Variants in CHCHD3 observed in about 807,000 individuals in gnomAD.
The protein encoded by CHCHD3 is coiled-coil-helix-coiled-coil-helix domain containing 3, also known as MICOS complex subunit MIC19.
Under a neutral mutation model 38.2 loss-of-function variants are expected in CHCHD3, and 20 were observed. The ratio of observed to expected loss-of-function variants is 0.52; its 90% confidence interval spans 0.37 to 0.76. CHCHD3 has a LOEUF of 0.76. Among genes scored for constraint, CHCHD3 ranks in the 30% least tolerant of loss-of-function variants. The pLI is 0.00. For synonymous variants in CHCHD3, 82 were observed against 100.0 expected (o/e 0.82, Z 1.07); for missense variants, 245 against 279.2 (o/e 0.88, Z 0.87).
At chr7:133,028,357 G>A (rs1309979030) in intron 2 of CHCHD3, among the ~76,000 whole-genome samples, 1 of 152,134 alleles carries the variant, frequency 6.6e-6, no homozygotes, top group Non-Finnish European at 1.5e-5. Flanking sequence ...AGTGTTCTAA[G>A]TAAACTAATA....
At chr7:132,825,732 C>T (rs146476515) in intron 6 of CHCHD3, among the ~76,000 whole-genome samples, 33 of 152,334 alleles carry the variant, frequency 2.2e-4, no homozygotes, top group African/African-American at 7.9e-4. Context: ...TGCACTACCA[C>T]CCAGCTTTGA....
intron 5 of CHCHD3, among the ~76,000 whole-genome samples, chr7:132,875,234 A>T (rs962951236): frequency 3.3e-5 from 5 of 152,198 alleles, no homozygotes; most frequent in African/African-American, 1.2e-4. Context: ...CCTGTAGAAA[A>T]GAAATCTGTT....
At chr7:132,986,854 G>A (rs1366839902) in intron 3 of CHCHD3, among the ~76,000 whole-genome samples, 1 of 152,208 alleles carries the variant, frequency 6.6e-6, no homozygotes, top group Admixed American at 6.5e-5. Flanking sequence ...TGCAAATGCA[G>A]TTGAGTTTAT....
At chr7:132,903,613 C>T (rs1809723293) in intron 4 of CHCHD3, among the ~76,000 whole-genome samples, 1 of 152,132 alleles carries the variant, frequency 6.6e-6, no homozygotes, top group African/African-American at 2.4e-5. Context: ...CAAAAACAAC[C>T]TCATAATTCT....
rs1812010003 is a variant in CHCHD3 at position 132,984,230 on chromosome 7, T to C, written c.252-8944A>G. 2.6e-5 allele frequency among the ~76,000 whole-genome samples: 4 copies of C among 151,504 alleles called. No homozygotes were observed. In the South Asian group the frequency reaches 8.4e-4, roughly 32 times the overall value. On this transcript the variant is annotated intron_variant, in intron 3 of 7. Coordinates refer to ENST00000262570, the MANE Select transcript of CHCHD3 (RefSeq NM_017812.4). ...GGCGCACGGCGCCACGCCTGACTGG[T>C]TTTCGTATTTTTTTGGTGGAGACGG...
In CHCHD3 at chr7:132,967,129, G is replaced by A. The variant is rs1244475386; in HGVS notation, c.369+8040C>T. Among the ~76,000 whole-genome samples the A allele has an allele frequency of 3.3e-5, 5 of 152,228 alleles. No individual in the cohort carries two copies. The East Asian group carries it at 9.6e-4, about 29-fold the overall frequency. ...CACAGGACACCACTCAACAAGAACT[G>A]CCCTGAACCAACTGGTTTGCAAGTA... On this transcript the variant is annotated intron_variant, in intron 4 of 7. Coordinates refer to ENST00000262570, the MANE Select transcript of CHCHD3 (RefSeq NM_017812.4).
At chr7:132,955,173 G>GGGGGGTGTGTGTGTGT (rs138213006) in intron 4 of CHCHD3, among the ~76,000 whole-genome samples, 146 of 126,284 alleles carry the variant, frequency 1.2e-3, no homozygotes, top group African/African-American at 4.1e-3. Flanking sequence ...TCCCTCAGAG[G>GGGGGGTGTGTGTGTGT]GTGTGTGTGT....
intron 4 of CHCHD3, among the ~76,000 whole-genome samples, chr7:132,910,685 C>G (rs1809923994): frequency 6.6e-6 from 1 of 152,166 alleles, no homozygotes; most frequent in Non-Finnish European, 1.5e-5. Context: ...AAACTGAACA[C>G]AGCAGCACGT....
chr7:132,984,325 G>A (rs1454212070), intron 3 of CHCHD3, among the ~76,000 whole-genome samples: 3 of 151,876 alleles, frequency 2.0e-5, no homozygotes, highest in Non-Finnish European at 4.4e-5. Flanking sequence ...TCGGCCTCCC[G>A]AGGTGCCGGG....
At chr7:132,984,254 G>C (rs1354589636) in intron 3 of CHCHD3, among the ~76,000 whole-genome samples, 325 of 148,492 alleles carry the variant, frequency 2.2e-3, no homozygotes, top group Admixed American at 5.7e-3. Flanking sequence ...TGGTGGAGAC[G>C]GGGTTTCGCT....
At chr7:132,846,305 G>T (rs1169727861) in intron 5 of CHCHD3, among the ~76,000 whole-genome samples, 1 of 152,214 alleles carries the variant, frequency 6.6e-6, no homozygotes, top group Non-Finnish European at 1.5e-5. Flanking sequence ...CTGCAAGCGG[G>T]AGAGAGACTA....
intron 6 of CHCHD3, among the ~76,000 whole-genome samples, chr7:132,818,164 G>A (rs778900863): frequency 1.3e-5 from 2 of 152,200 alleles, no homozygotes; most frequent in Non-Finnish European, 2.9e-5. Flanking sequence ...TTCTTCATGT[G>A]GCAACCTTTT....
intron 2 of CHCHD3, among the ~76,000 whole-genome samples, chr7:133,061,387 G>T (rs562810233): frequency 1.3e-5 from 2 of 151,638 alleles, no homozygotes; most frequent in African/African-American, 4.8e-5. Context: ...GCAGAGCAAG[G>T]CTCTACTGCT....
At chr7:132,910,631 A>G (rs995029454) in intron 4 of CHCHD3, among the ~76,000 whole-genome samples, 4 of 152,004 alleles carry the variant, frequency 2.6e-5, no homozygotes, top group Non-Finnish European at 4.4e-5. Context: ...CAGCTTAACT[A>G]TTTCCATTTC....
intron 2 of CHCHD3, among the ~76,000 whole-genome samples, chr7:133,068,844 C>T (rs1295172808): frequency 6.6e-6 from 1 of 152,050 alleles, no homozygotes; most frequent in Non-Finnish European, 1.5e-5. Flanking sequence ...AGAAGAAAAG[C>T]AAGTCTGGGG....
chr7:133,012,016 T>C (rs1207574936), intron 3 of CHCHD3, among the ~76,000 whole-genome samples: 3 of 152,060 alleles, frequency 2.0e-5, no homozygotes, highest in Non-Finnish European at 4.4e-5. Flanking sequence ...CCTCAGAAAG[T>C]TGATAAGGGT....
intron 7 of CHCHD3, among the ~76,000 whole-genome samples, chr7:132,792,800 T>A (rs1403371693): frequency 1.3e-5 from 2 of 152,204 alleles, no homozygotes; most frequent in African/African-American, 4.8e-5. Context: ...GCAGCAGCAG[T>A]ATTTCCTATA....
chr7:133,031,298 T>C (rs2117455798), intron 2 of CHCHD3, among the ~76,000 whole-genome samples: 1 of 152,206 alleles, frequency 6.6e-6, no homozygotes, highest in South Asian at 2.1e-4. Flanking sequence ...CGGGGAGACA[T>C]AATTATACAT....
intron 5 of CHCHD3, among the ~76,000 whole-genome samples, chr7:132,854,487 C>T (rs1808297942): frequency 6.6e-6 from 1 of 151,912 alleles, no homozygotes; most frequent in South Asian, 2.1e-4. Flanking sequence ...TCCTCTAGAA[C>T]AAAAAAGTAA....
Sources: allele counts gnomAD v4.1 joint callset (sites outside exome capture counted in the v4.1 genomes callset), GRCh38; gene constraint gnomAD v4.1.1; transcripts MANE v1.5; gene names NCBI Gene and HGNC (gene_info 2026-07-23, HGNC 2026-07-21).